PARL: variants seen among roughly 807,000 people sequenced by gnomAD.
The protein encoded by PARL is presenilin associated rhomboid like.
Under a neutral mutation model 51.6 loss-of-function variants are expected in PARL, and 44 were observed. That is an observed-to-expected ratio of 0.85 (90% CI 0.67 to 1.10). The LOEUF (loss-of-function observed/expected upper bound fraction) is 1.10. Among genes scored for constraint, PARL ranks in the 50% least tolerant of loss-of-function variants. PARL has a pLI of 0.00. For missense variants in PARL, 441 were observed against 469.5 expected (o/e 0.94, Z 0.56); for synonymous variants, 172 against 164.0 (o/e 1.05, Z -0.37).
chr3:183,838,161 G>T (rs1728865175), intron 7 of PARL, among the ~76,000 whole-genome samples: 1 of 151,838 alleles, frequency 6.6e-6, no homozygotes, highest in Admixed American at 6.6e-5. Flanking sequence ...GAGTAGGTAG[G>T]ATTACAGGTG....
chr3:183,831,638 C>T (rs550572367), intron 9 of PARL, among the ~76,000 whole-genome samples: 1 of 152,208 alleles, frequency 6.6e-6, no homozygotes, highest in Admixed American at 6.5e-5. Flanking sequence ...ATTATTGCAA[C>T]AGTACAATGT....
chr3:183,843,569 G>A (rs1729587895), intron 5 of PARL, among the ~76,000 whole-genome samples: 1 of 152,106 alleles, frequency 6.6e-6, no homozygotes, highest in Non-Finnish European at 1.5e-5. Context: ...AGTGGCTCAC[G>A]CCTATAATCC....
At chr3:183,838,809 C>T (rs754524794) in intron 7 of PARL, among the ~76,000 whole-genome samples, 18 of 152,202 alleles carry the variant, frequency 1.2e-4, no homozygotes, top group Non-Finnish European at 1.9e-4. Context: ...ATGAGGACAA[C>T]AGCTGTCCAA....
intron 1 of PARL, among the ~76,000 whole-genome samples, chr3:183,880,736 T>C (rs1253191556): frequency 1.3e-5 from 2 of 152,006 alleles, no homozygotes; most frequent in African/African-American, 4.8e-5. Context: ...ATCCTATAAC[T>C]TTTAAGAAGA....
intron 4 of PARL, among the ~76,000 whole-genome samples, chr3:183,857,812 T>C (rs1002494901): frequency 1.3e-5 from 2 of 152,222 alleles, no homozygotes; most frequent in Non-Finnish European, 2.9e-5. Flanking sequence ...CTGCAATTTG[T>C]GCTGTGAATC....
At chr3:183,838,642 C>T (rs533975297) in intron 7 of PARL, among the ~76,000 whole-genome samples, 20 of 152,240 alleles carry the variant, frequency 1.3e-4, no homozygotes, top group African/African-American at 4.8e-4. Context: ...ATGGTGTTAT[C>T]CCCATTTTAT....
At chr3:183,837,194 G>A (rs1199535857) in intron 7 of PARL, among the ~76,000 whole-genome samples, 1 of 152,170 alleles carries the variant, frequency 6.6e-6, no homozygotes, top group Non-Finnish European at 1.5e-5. Context: ...TGAAACAAAT[G>A]TAAGAGGACT....
intron 9 of PARL, among the ~76,000 whole-genome samples, chr3:183,830,837 T>C (rs1198074919): frequency 6.6e-6 from 1 of 152,220 alleles, no homozygotes; most frequent in Admixed American, 6.5e-5. Context: ...AACAGGCATG[T>C]AATAAAAATT....
At chr3:183,830,730 T>A (rs1727837974) in intron 9 of PARL, among the ~76,000 whole-genome samples, 1 of 152,226 alleles carries the variant, frequency 6.6e-6, no homozygotes, top group Non-Finnish European at 1.5e-5. Context: ...ATTTTAAAAA[T>A]GTTCTGAATG....
chr3:183,842,807 CAAAAAA>C (rs370931513), intron 5 of PARL, among the ~76,000 whole-genome samples: 1 of 54,092 alleles, frequency 1.8e-5, no homozygotes, highest in African/African-American at 7.6e-5. Context: ...GACTCTATCT[CAAAAAA>C]AAAAAAAAAA....
rs200605947 is a variant in PARL, at chr3:183,867,925, G to C, written c.261C>G (p.Val87=). The C allele has an allele frequency of 6.8e-6, 11 of 1,613,858 alleles. No homozygotes were observed. In the East Asian group the frequency reaches 2.5e-4, roughly 36 times the overall value. Residue 87 remains valine (V), a synonymous_variant, in exon 2 of 10, where the codon GTC becomes GTG. Coordinates refer to ENST00000317096, the MANE Select transcript of PARL (RefSeq NM_018622.7). ...TTATAGGATAGGGAGAAGGATAAAAGACTGTTTCTTCCACAGGAGGAATCA... is the reference window on the plus strand; with the variant it reads ...TTATAGGATAGGGAGAAGGATAAAACACTGTTTCTTCCACAGGAGGAATCA... ...SALIPPVEET[V]FYPSPYPIRS...
chr3:183,846,534 G>T (rs1318462781), intron 4 of PARL: 7 of 984,548 alleles, frequency 7.1e-6, no homozygotes, highest in African/African-American at 1.8e-5. Flanking sequence ...AAGACATTGA[G>T]GTTAACAGTA....
rs371517237 is a variant in PARL, at chr3:183,833,639, G to A, written c.931-50C>T. 6.4e-5 allele frequency: 96 copies of A among 1,492,578 alleles called. No individual in the cohort carries two copies. In the African/African-American group the frequency reaches 1.3e-3, roughly 20 times the overall value. The allele number at this position is 1,492,578 out of a possible 1,614,324, so 92.5% of individuals were successfully genotyped here. A position where few individuals can be genotyped will look rare whatever the true frequency, so the allele number is the denominator to read the frequency against. On this transcript the variant is annotated intron_variant, in intron 8 of 9. Transcript: ENST00000317096. ...GCACAACTGTGATTGCTCCAGCACT[G>A]ACATTTCTAACTTAAGGGCAAGAAC...
At chr3:183,857,865 GA>G (rs1346692804) in intron 4 of PARL, among the ~76,000 whole-genome samples, 1 of 152,172 alleles carries the variant, frequency 6.6e-6, no homozygotes, top group African/African-American at 2.4e-5. Flanking sequence ...TGGTTTATCA[GA>G]AAGGTAATTA....
At chr3:183,846,812 A>C (rs1439935141) in intron 4 of PARL, 1 of 170,724 alleles carries the variant, frequency 5.9e-6, no homozygotes, top group Non-Finnish European at 1.2e-5. Flanking sequence ...AGAAATAAGA[A>C]AAGTGAAATG....
intron 3 of PARL, 128 bp downstream of exon 3, chr3:183,866,497 G>C (rs1732489965): frequency 1.0e-5 from 8 of 776,568 alleles, no homozygotes; most frequent in Non-Finnish European, 1.8e-5. Context: ...TAGATATTCA[G>C]TTCCTCAGAT....
chr3:183,856,881 T>C (rs947425624), intron 4 of PARL, among the ~76,000 whole-genome samples: 4 of 152,232 alleles, frequency 2.6e-5, no homozygotes, highest in Non-Finnish European at 5.9e-5. Context: ...GTATATTCTT[T>C]GACCCAGCAA....
chr3:183,848,013 C>A (rs1225473266), intron 4 of PARL, among the ~76,000 whole-genome samples: 1 of 152,178 alleles, frequency 6.6e-6, no homozygotes. Flanking sequence ...CTAGTGCCTA[C>A]CCTCACACCT....
intron 7 of PARL, among the ~76,000 whole-genome samples, chr3:183,834,547 G>A (rs1728327140): frequency 6.6e-6 from 1 of 152,178 alleles, no homozygotes; most frequent in Non-Finnish European, 1.5e-5. Context: ...TTTATCTTTA[G>A]TAGAAGTAGG....
Sources: allele counts gnomAD v4.1 joint callset (sites outside exome capture counted in the v4.1 genomes callset), GRCh38; gene constraint gnomAD v4.1.1; transcripts MANE v1.5; gene names NCBI Gene and HGNC (gene_info 2026-07-23, HGNC 2026-07-21).